BTBD7: variants seen among roughly 807,000 people sequenced by gnomAD.
BTBD7 encodes BTB/POZ domain-containing protein 7.
In BTBD7, 38 loss-of-function variants were observed where a neutral mutation model predicts 99.9. The observed-to-expected ratio is 0.38, with a 90% confidence interval of 0.29 to 0.50. BTBD7 has a LOEUF of 0.50. BTBD7 is among the 20% of genes least tolerant of loss of function. The pLI is 0.93. For missense variants in BTBD7, 1,170 were observed against 1,394.6 expected (o/e 0.84, Z 2.57); for synonymous variants, 520 against 511.4 (o/e 1.02, Z -0.23).
chr14:93,256,921 ACACTTAAATGACAGAAT>A, intron 6 of BTBD7: 1 of 381,136 alleles, frequency 2.6e-6, no homozygotes, highest in Non-Finnish European at 4.7e-6. Context: ...TACTTGATCT[ACACTTAAATGACAGAAT>A]TAACTCTGCT....
intron 3 of BTBD7, among the ~76,000 whole-genome samples, chr14:93,274,500 G>C (rs1401222332): frequency 6.6e-6 from 1 of 152,222 alleles, no homozygotes; most frequent in African/African-American, 2.4e-5. Flanking sequence ...GGGATGGAAG[G>C]TGGTAGGTAA....
At chr14:93,278,423 A>G (rs1001783940) in intron 3 of BTBD7, among the ~76,000 whole-genome samples, 1 of 152,164 alleles carries the variant, frequency 6.6e-6, no homozygotes, top group Non-Finnish European at 1.5e-5. Flanking sequence ...TATAAAAAAA[A>G]AGTTTTTCAG....
chr14:93,287,500 AATT>A (rs1455212572), intron 3 of BTBD7: 4 of 151,980 alleles, frequency 2.6e-5, no homozygotes, highest in Non-Finnish European at 5.9e-5. Flanking sequence ...TGTGTACTAA[AATT>A]ATTTATTCTT....
At chr14:93,274,629 G>A (rs1369325482) in intron 3 of BTBD7, among the ~76,000 whole-genome samples, 1 of 152,180 alleles carries the variant, frequency 6.6e-6, no homozygotes, top group Non-Finnish European at 1.5e-5. Context: ...CAGAACACAT[G>A]CTTGTATTGG....
intron 1 of BTBD7, among the ~76,000 whole-genome samples, chr14:93,328,415 G>T (rs1467214603): frequency 6.6e-6 from 1 of 151,842 alleles, no homozygotes; most frequent in Non-Finnish European, 1.5e-5. Context: ...ACAAACTTAT[G>T]GACCAATGGA....
chr14:93,246,253 C>T lies in BTBD7; in HGVS notation c.2155G>A (p.Gly719Arg). The T allele has an allele frequency of 1.3e-6, 2 of 1,498,758 alleles. No homozygotes were observed. Among genetic ancestry groups the T allele is most frequent in the Non-Finnish European group, 1.8e-6 (2 of 1,122,192 alleles). The allele number at this position is 1,498,758 out of a possible 1,614,324, so 92.8% of individuals were successfully genotyped here. The change falls in exon 10 of 11, where the codon GGG becomes AGG. Residue 719 changes from glycine (G) to arginine (R), a missense_variant. By Grantham distance (125) the Gly-to-Arg change is moderately radical. This residue lies in a region of BTBD7 where 495 missense variants were observed against 525.9 expected (regional missense o/e 0.94). Coordinates refer to ENST00000334746, the MANE Select transcript of BTBD7 (RefSeq NM_001002860.4). ...ATTGTCAAGAGTGGACTTTCATCCC[C>T]AAAACGTTCATCAGGAAAGAATTTG... ...PHKFFPDERF[G>R]DESPLLTMRQ...
intron 3 of BTBD7, among the ~76,000 whole-genome samples, chr14:93,289,805 T>C (rs1006258560): frequency 6.6e-6 from 1 of 151,016 alleles, no homozygotes; most frequent in Non-Finnish European, 1.5e-5. Context: ...TCCCTACTGA[T>C]ATAAAACACA....
At chr14:93,290,220 T>G (rs2052832153) in intron 3 of BTBD7, among the ~76,000 whole-genome samples, 1 of 151,840 alleles carries the variant, frequency 6.6e-6, no homozygotes, top group South Asian at 2.1e-4. Flanking sequence ...TTTTAATTTT[T>G]TTTTTTTTTT....
chr14:93,282,226 T>C (rs530043449), intron 3 of BTBD7, among the ~76,000 whole-genome samples: 16 of 152,224 alleles, frequency 1.1e-4, no homozygotes, highest in Non-Finnish European at 2.2e-4. Context: ...TCTATCTTAA[T>C]TCTTGGAATA....
In BTBD7 at chr14:93,238,059, C is replaced by T. The variant is rs932232583; in HGVS notation, c.*4214G>A. 2.6e-5 allele frequency: 4 copies of T among 152,426 alleles called. No individual in the cohort carries two copies. Among genetic ancestry groups the T allele is most frequent in the African/African-American group, 9.7e-5 (4 of 41,418 alleles). 9.4% of individuals were successfully genotyped at this position (152,426 alleles called of 1,614,324 possible). The stretch of plus-strand genomic sequence containing the variant: ...ACTTGGTACCGCCTGCCCATGTAAC[C>T]CAGATACAGTTACATGTAGGTACAG... On this transcript the variant is annotated 3_prime_UTR_variant, in exon 11 of 11. Transcript: ENST00000334746.
At chr14:93,247,959 G>C (rs1014766256) in intron 9 of BTBD7, among the ~76,000 whole-genome samples, 4 of 152,204 alleles carry the variant, frequency 2.6e-5, no homozygotes, top group African/African-American at 9.7e-5. Flanking sequence ...ACGAAAGTGG[G>C]CATGTGAAAG....
At chr14:93,277,523 T>G (rs542893768) in intron 3 of BTBD7, among the ~76,000 whole-genome samples, 63 of 152,350 alleles carry the variant, frequency 4.1e-4, no homozygotes, top group Middle Eastern at 3.4e-3. Flanking sequence ...AGAGTGGGAC[T>G]GACCAGAAAC....
At chr14:93,327,747 T>C (rs770039311) in intron 1 of BTBD7, among the ~76,000 whole-genome samples, 12 of 152,132 alleles carry the variant, frequency 7.9e-5, no homozygotes, top group Non-Finnish European at 1.6e-4. Context: ...TTACCACCTC[T>C]AGTCGACACA....
chr14:93,255,253 C>T (rs968716910), intron 6 of BTBD7, among the ~76,000 whole-genome samples: 1 of 152,154 alleles, frequency 6.6e-6, no homozygotes, highest in Non-Finnish European at 1.5e-5. Context: ...TCAAGCAATT[C>T]TCCCATCTCA....
chr14:93,240,194 G>A lies in BTBD7; in HGVS notation c.*2079C>T, dbSNP rs116932044. 2.3e-3 allele frequency: 346 copies of A among 152,710 alleles called. 7 individuals are homozygous for A. The East Asian group carries it at 0.053, about 23-fold the overall frequency. 9.5% of individuals were successfully genotyped at this position (152,710 alleles called of 1,614,324 possible). ...GTGTTAACTCTGGGAGCTCGGGAGC[G>A]TGCACCACCACCAGTGTCACCGAGC... On this transcript the variant is annotated 3_prime_UTR_variant, in exon 11 of 11. Coordinates refer to ENST00000334746, the MANE Select transcript of BTBD7 (RefSeq NM_001002860.4).
intron 1 of BTBD7, among the ~76,000 whole-genome samples, chr14:93,314,262 C>CA (rs1323240130): frequency 6.6e-6 from 1 of 151,726 alleles, no homozygotes; most frequent in African/African-American, 2.4e-5. Context: ...TAGGAAAACC[C>CA]AAACCAGTGA....
rs2052246598 is a variant in BTBD7, at chr14:93,242,626, G to A, written c.3046C>T (p.His1016Tyr). The A allele has an allele frequency of 6.2e-7, 1 of 1,613,494 alleles. No individual in the cohort carries two copies. Among genetic ancestry groups the A allele is most frequent in the African/African-American group, 1.3e-5 (1 of 74,660 alleles). The change falls in exon 11 of 11, where the codon CAT (histidine) becomes TAT (tyrosine). Residue 1016 changes from histidine to tyrosine, a missense_variant. Around this residue, in one of 4 missense-constraint regions of BTBD7, gnomAD observed 495 missense variants for 525.9 expected, o/e 0.94. Transcript: ENST00000334746. The stretch of plus-strand genomic sequence containing the variant: ...GGCTCATTCTTTTGTCTGTGTAGAT[G>A]CCCGTCAGGGGAAAGTGGATATTCT... ...RREYPLSPDG[H>Y]LHRQKNEPIH...
At chr14:93,326,079 G>C (rs2053327502) in intron 1 of BTBD7, among the ~76,000 whole-genome samples, 1 of 151,922 alleles carries the variant, frequency 6.6e-6, no homozygotes, top group South Asian at 2.1e-4. Context: ...CAGCGTGGTG[G>C]TTCTTAACTT....
At chr14:93,245,390 G>A (rs1023495964) in intron 10 of BTBD7, among the ~76,000 whole-genome samples, 14 of 152,146 alleles carry the variant, frequency 9.2e-5, no homozygotes, top group African/African-American at 2.4e-4. Flanking sequence ...CATTATTCCT[G>A]ACGGTATACT....
Sources: gnomAD v4.1 joint callset for allele counts (sites outside exome capture counted in the v4.1 genomes callset) on GRCh38, gnomAD v4.1.1 for gene constraint, gnomAD v4.1.1 regional missense constraint, MANE v1.5 for transcripts, NCBI Gene and HGNC (gene_info 2026-07-23, HGNC 2026-07-21) for gene names.